OFD1: variants seen among roughly 807,000 people sequenced by gnomAD.
The protein encoded by OFD1 is centriole and centriolar satellite protein OFD1.
Under a neutral mutation model 81.4 loss-of-function variants are expected in OFD1, and 12 were observed. That is an observed-to-expected ratio of 0.15 (90% CI 0.09 to 0.24). The LOEUF (loss-of-function observed/expected upper bound fraction) is 0.24, where lower values mean the gene tolerates loss of function less well. Among genes scored for constraint, OFD1 ranks in the 10% least tolerant of loss-of-function variants. OFD1 has a pLI of 1.00. For missense variants in OFD1, 685 were observed against 733.9 expected (o/e 0.93, Z 0.77); for synonymous variants, 256 against 263.7 (o/e 0.97, Z 0.28).
At chrX:13,768,313 C>A in intron 21 of OFD1, 89 bp downstream of exon 21, 1 of 697,924 alleles carries the variant, frequency 1.4e-6, no homozygotes, top group Non-Finnish European at 2.3e-6. Context: ...TCCGTCTTCT[C>A]CATTGAAGAC....
chrX:13,772,858 G>A (rs773748034), downstream of OFD1: 15 of 1,201,058 alleles, frequency 1.2e-5, no homozygotes, highest in East Asian at 5.9e-5. Context: ...TAAATACGTC[G>A]GCCGAAACAC....
At chrX:13,730,635 C>G (rs1383700358), upstream of OFD1, among the ~76,000 whole-genome samples, 3 of 111,592 alleles carry the variant, frequency 2.7e-5, no homozygotes, top group African/African-American at 6.5e-5. Context: ...TATTGTGGCA[C>G]TATTCACAAT....
chrX:13,770,760 C>CAGTGGATTATTTAATATTTTCTTT (rs2048280491), downstream of OFD1, among the ~76,000 whole-genome samples: 3 of 112,101 alleles, frequency 2.7e-5, no homozygotes, highest in South Asian at 1.1e-3. Context: ...CAATACAGCC[C>CAGTGGATTATTTAATATTTTCTTT]AGTGGATTAT....
chrX:13,760,008 T>A, intron 15 of OFD1, 107 bp from the exon 16 acceptor site: 5 of 1,003,829 alleles, frequency 5.0e-6, no homozygotes, highest in Non-Finnish European at 7.0e-6. Context: ...TAGTGCAAGT[T>A]TGTCCTTATT....
rs778616125 is a variant in OFD1 at position 13,738,903 on chromosome X, T to C, written c.370T>C (p.Tyr124His). 2.5e-6 allele frequency: 3 copies of C among 1,187,717 alleles called. No individual in the cohort carries two copies. The highest frequency in any genetic ancestry group is 3.4e-6 in the Non-Finnish European group (3 of 875,841). The change falls in exon 4 of 23, where the codon TAC (tyrosine) becomes CAC (histidine). Residue 124 changes from tyrosine (Y) to histidine (H), a missense_variant. Tyr to His is a moderately conservative substitution (Grantham distance 83). Coordinates refer to ENST00000340096, the MANE Select transcript of OFD1 (RefSeq NM_003611.3). ...LIKINPTSSL[Y>H]KSLVSGSDKE... The stretch of plus-strand genomic sequence containing the variant: ...TAAAATCAACCCTACTTCCAGTCTC[T>C]ACAAATCACTGGTAAGATGGCTTAG...
chrX:13,754,183 G>C (rs1205204328), intron 11 of OFD1, among the ~76,000 whole-genome samples: 1 of 110,758 alleles, frequency 9.0e-6, no homozygotes, highest in African/African-American at 3.3e-5. Flanking sequence ...GGGTCTCAGC[G>C]TGTTAGCCAG....
chrX:13,717,996 G>C, the OFD1 span, among the ~76,000 whole-genome samples: 2 of 112,074 alleles, frequency 1.8e-5, no homozygotes, highest in East Asian at 5.6e-4. Flanking sequence ...ATGAAGACTG[G>C]AGTTATGCTG....
rs761100130 is a variant in OFD1, at chrX:13,767,235, A to T, written c.2708A>T (p.Glu903Val). The T allele has an allele frequency of 1.1e-4, 138 of 1,209,473 alleles. No homozygotes were observed. Among genetic ancestry groups the T allele is most frequent in the Non-Finnish European group, 1.5e-4 (136 of 894,363 alleles). Reference sequence around the variant, plus strand: ...GAAAGAAGGCAGAGTAACCTACAAGAAGTTTTAGAAAGGGAACGAAGAGAA... The same window carrying T: ...GAAAGAAGGCAGAGTAACCTACAAGTAGTTTTAGAAAGGGAACGAAGAGAA... The part of the protein sequence containing the change: ...REERRQSNLQ[E>V]VLERERRELE... The change falls in exon 20 of 23, where the codon GAA (glutamate) becomes GTA (valine). Residue 903 changes from glutamate to valine, a missense_variant. Around this residue, in one of 3 missense-constraint regions of OFD1, gnomAD observed 259 missense variants for 254.4 expected, o/e 1.02. Transcript: ENST00000340096.
intron 9 of OFD1, among the ~76,000 whole-genome samples, chrX:13,750,546 C>T (rs1008056448): frequency 2.1e-4 from 24 of 112,408 alleles, no homozygotes; most frequent in African/African-American, 7.4e-4. Context: ...GAAGACCATT[C>T]TATTCTTCAG....
intron 20 of OFD1, among the ~76,000 whole-genome samples, chrX:13,767,731 A>G (rs936050191): frequency 3.6e-5 from 4 of 111,639 alleles, no homozygotes; most frequent in Non-Finnish European, 7.5e-5. Context: ...CTGTGTCCCA[A>G]TTCTAGTCCT....
At position 13,746,905 on chromosome X, in the gene OFD1, C is replaced by T. The variant is rs368900892; in HGVS notation, c.780C>T (p.Leu260=). ...EKACQAKSEA[L]VLREKSTLER... ...CTTGTCAAGCAAAATCTGAAGCTCT[C>T]GTTCTTCGGGAAAAGAGTACCCTTG... Residue 260 remains leucine, a synonymous_variant, in exon 8 of 23, where the codon CTC becomes CTT. Transcript: ENST00000340096. The T allele has an allele frequency of 2.0e-5, 24 of 1,209,305 alleles. No individual in the cohort carries two copies. The African/African-American group carries it at 2.8e-4, about 14-fold the overall frequency.
downstream of OFD1, chrX:13,772,649 C>CA (rs1488673746): frequency 6.1e-6 from 2 of 328,884 alleles, no homozygotes; most frequent in Non-Finnish European, 1.1e-5. Context: ...ATCATTTTGT[C>CA]AAAGTGTTGC....
intron 8 of OFD1, among the ~76,000 whole-genome samples, chrX:13,747,240 A>G (rs2047330889): frequency 8.9e-6 from 1 of 111,895 alleles, no homozygotes; most frequent in Admixed American, 9.5e-5. Context: ...AGAGGGTTAG[A>G]TCTTGGGTTT....
the OFD1 span, chrX:13,719,956 C>T: frequency 8.4e-7 from 1 of 1,186,012 alleles, no homozygotes; most frequent in African/African-American, 1.8e-5. Flanking sequence ...GTAGAAGCTC[C>T]CAGACATGGT....
At chrX:13,744,150 G>A (rs937889046) in intron 5 of OFD1, among the ~76,000 whole-genome samples, 1 of 111,039 alleles carries the variant, frequency 9.0e-6, no homozygotes, top group Non-Finnish European at 1.9e-5. Flanking sequence ...GCTGGGCGTG[G>A]TGGGTGGTGG....
At chrX:13,733,069 T>A (rs1343104659), upstream of OFD1, among the ~76,000 whole-genome samples, 1 of 112,054 alleles carries the variant, frequency 8.9e-6, no homozygotes. Context: ...TTGGAGAACA[T>A]TTTATCTAAT....
At chrX:13,740,672 A>G (rs150869286) in intron 5 of OFD1, among the ~76,000 whole-genome samples, 2,946 of 109,035 alleles carry the variant, frequency 0.027, 51 homozygotes, top group Admixed American at 0.045. Context: ...GAGTGCCTGT[A>G]ATCCCAGCTA....
chrX:13,717,050 A>C, the OFD1 span, among the ~76,000 whole-genome samples: 11 of 104,616 alleles, frequency 1.1e-4, 1 homozygote, highest in African/African-American at 3.5e-4. Flanking sequence ...AAAAAAAAAA[A>C]AAAAAAAAAA....
intron 3 of OFD1, among the ~76,000 whole-genome samples, chrX:13,738,145 G>A (rs1390573389): frequency 3.6e-5 from 4 of 112,099 alleles, no homozygotes; most frequent in African/African-American, 1.3e-4. Flanking sequence ...CCTCGTGTCT[G>A]GCCTGGAATT....
Sources: allele counts gnomAD v4.1 joint callset (sites outside exome capture counted in the v4.1 genomes callset), GRCh38; gene constraint gnomAD v4.1.1; regional missense constraint gnomAD v4.1.1; transcripts MANE v1.5; gene names NCBI Gene and HGNC (gene_info 2026-07-23, HGNC 2026-07-21).